Variants in DDB1 observed in about 807,000 individuals in gnomAD.
DDB1 encodes DNA damage-binding protein 1.
In DDB1, 18 loss-of-function variants were observed where a neutral mutation model predicts 133.1. That is an observed-to-expected ratio of 0.14 (90% CI 0.09 to 0.20). DDB1 has a LOEUF of 0.20. Ranked by LOEUF, DDB1 falls within the 10% of genes least tolerant of loss-of-function variation. The pLI, the probability that DDB1 is intolerant of heterozygous loss-of-function variation, is 1.00. For missense variants in DDB1, 828 were observed against 1,459.2 expected (o/e 0.57, Z 7.05); for synonymous variants, 580 against 550.5 (o/e 1.05, Z -0.75).
Position 61,316,946 on chromosome 11 carries a change from GATATATATATATAT to G in DDB1, c.1226-393_1226-380del, listed in dbSNP as rs58564398. On this transcript the variant is annotated intron_variant, in intron 10 of 26. Transcript: ENST00000301764. ...AAAAAAAAAAAAAAAAAAAAGGATAGATATATATATATATATATATATATATATATATATATATA... is the reference window on the plus strand; with the variant it reads ...AAAAAAAAAAAAAAAAAAAAGGATAGATATATATATATATATATATATATA... 6.7e-3 allele frequency among the ~76,000 whole-genome samples: 196 copies of G among 29,056 alleles called. 4 individuals are homozygous for G. Among genetic ancestry groups the G allele is most frequent in the East Asian group, 0.034 (14 of 410 alleles). The allele number at this position is 29,056 out of a possible 152,430, so 19.1% of individuals were successfully genotyped here. A position where few individuals can be genotyped will look rare whatever the true frequency, so the allele number is the denominator to read the frequency against.
At chr11:61,323,328 T>G (rs1856215859) in intron 7 of DDB1, 3 of 535,570 alleles carry the variant, frequency 5.6e-6, no homozygotes, top group South Asian at 4.7e-5. Context: ...GTCTTGCATA[T>G]TCCTGCTCCA....
Position 61,329,369 on chromosome 11 carries a change from G to C in DDB1, c.543C>G (p.Val181=). ...YGCQAPTICF[V]YQDPQGRHVK... is the part of the protein sequence containing the mutation. ...TCTCTTCCTGATCCAGTACCTGGTA[G>C]ACAAAGCAAATAGTAGGTGCTTGGC... Residue 181 remains valine, a synonymous_variant, in exon 4 of 27, where the codon GTC becomes GTG. Transcript: ENST00000301764. The C allele has an allele frequency of 6.2e-7, 1 of 1,614,128 alleles. No individual in the cohort carries two copies.
intron 25 of DDB1, 98 bp from the exon 26 acceptor site, chr11:61,301,030 A>G (rs1406374965): frequency 2.7e-5 from 41 of 1,520,302 alleles, no homozygotes; most frequent in Non-Finnish European, 3.6e-5. Context: ...AATCATCAGG[A>G]TTAGAAAGGA....
chr11:61,302,168 A>G, intron 25 of DDB1, 89 bp downstream of exon 25: 1 of 1,137,322 alleles, frequency 8.8e-7, no homozygotes, highest in Non-Finnish European at 1.3e-6. Flanking sequence ...CCTAATCAAG[A>G]CATGTAGTAG....
Position 61,331,600 on chromosome 11 carries a change from G to A in DDB1, c.153C>T (p.Pro51=), listed in dbSNP as rs2230356. ...TCCCATACATGCCCACCTCTTTGAC[G>A]GGCCGAAGCCCCTCGGCGGTGACCA... ...IYVVTAEGLR[P]VKEVGMYGKI... The change falls in exon 2 of 27, where the codon CCC becomes CCT. Residue 51 remains proline (P), a synonymous_variant. Transcript: ENST00000301764. The A allele has an allele frequency of 0.093, 149,956 of 1,613,960 alleles. 7,851 individuals carry two copies. Among genetic ancestry groups the A allele is most frequent in the Non-Finnish European group, 0.11 (128,649 of 1,179,974 alleles).
At chr11:61,329,327 C>T (rs759570700) in intron 4 of DDB1, 36 bp downstream of exon 4, 1 of 1,601,082 alleles carries the variant, frequency 6.2e-7, no homozygotes, top group Admixed American at 1.7e-5. Context: ...TCACATCAAC[C>T]TCACAGTTTC....
rs760125089 is a variant in DDB1 at position 61,311,862 on chromosome 11, G to A, written c.2199C>T (p.Phe733=). 1.6e-5 allele frequency: 26 copies of A among 1,613,980 alleles called. No homozygotes were observed. Among genetic ancestry groups the A allele is most frequent in the Admixed American group, 3.3e-5 (2 of 59,986 alleles). Residue 733 remains phenylalanine, a synonymous_variant, in exon 18 of 27, where the codon TTC becomes TTT. Coordinates refer to ENST00000301764, the MANE Select transcript of DDB1 (RefSeq NM_001923.5). ...KICYQEVSQC[F]GVLSSRIEVQ... ...CTTCAATGCGGCTGGAGAGGACCCC[G>A]AAACACTGGGACACTTCCTGGTAGC... is the stretch of plus-strand genomic sequence containing the variant.
chr11:61,320,880 G>C (rs543848672), intron 10 of DDB1, among the ~76,000 whole-genome samples: 34 of 151,226 alleles, frequency 2.2e-4, no homozygotes, highest in Admixed American at 1.4e-3. Flanking sequence ...TCACTGTGTA[G>C]CCTCTCTTTT....
intron 9 of DDB1, 43 bp from the exon 10 acceptor site, chr11:61,321,740 C>G: frequency 6.4e-7 from 1 of 1,552,752 alleles, no homozygotes; most frequent in Non-Finnish European, 8.9e-7. Context: ...CCTCAAGATA[C>G]TGGGCCAGTC....
At chr11:61,301,392 G>A (rs1033879993) in intron 25 of DDB1, 1 of 153,112 alleles carries the variant, frequency 6.5e-6, no homozygotes, top group African/African-American at 2.4e-5. Context: ...ATGAACTCCT[G>A]TCTCTACAAA....
rs56269746 is a variant in DDB1 at position 61,332,864 on chromosome 11, C to A, written c.61+44G>T. The stretch of plus-strand genomic sequence containing the variant: ...GGGCCTCCCTAGGCCGCGGCTCCCC[C>A]CAACTCCCTCACTCGCCGGGGTCTC... On this transcript the variant is annotated intron_variant, in intron 1 of 26. Transcript: ENST00000301764. 21 of 1,438,054 alleles carry A rather than the reference C, an allele frequency of 1.5e-5. No homozygotes were observed. In the Admixed American group the frequency reaches 4.3e-4, roughly 30 times the overall value. 89.1% of individuals were successfully genotyped at this position (1,438,054 alleles called of 1,614,324 possible).
At chr11:61,323,859 AAC>A (rs1308972319) in intron 7 of DDB1, 118 bp downstream of exon 7, 1 of 1,123,634 alleles carries the variant, frequency 8.9e-7, no homozygotes, top group Non-Finnish European at 1.3e-6. Context: ...CAGCAGGAAC[AAC>A]AGTTTGTTGT....
chr11:61,328,471 T>C (rs1856306268), intron 4 of DDB1, among the ~76,000 whole-genome samples: 1 of 152,144 alleles, frequency 6.6e-6, no homozygotes, highest in Non-Finnish European at 1.5e-5. Context: ...TACTGGCATG[T>C]TAGTCTGGTG....
At chr11:61,317,692 G>A (rs768603555) in intron 10 of DDB1, among the ~76,000 whole-genome samples, 42 of 151,784 alleles carry the variant, frequency 2.8e-4, no homozygotes, top group Non-Finnish European at 4.9e-4. Context: ...ATTTTTAGTA[G>A]AGACAGGATT....
At chr11:61,327,362 G>A (rs181823723) in intron 4 of DDB1, 224 of 159,030 alleles carry the variant, frequency 1.4e-3, no homozygotes, top group Admixed American at 2.6e-3. Flanking sequence ...CCAGCTACTC[G>A]GGAGGCTGAG....
intron 18 of DDB1, 134 bp downstream of exon 18, chr11:61,311,650 G>T: frequency 2.8e-6 from 2 of 722,156 alleles, no homozygotes; most frequent in Non-Finnish European, 2.2e-6. Flanking sequence ...TTCAGGCTAC[G>T]ATGGCAAAGT....
At chr11:61,300,269 C>T (rs746558462) in intron 26 of DDB1, 50 bp from the exon 27 acceptor site, 4 of 1,573,984 alleles carry the variant, frequency 2.5e-6, no homozygotes, top group East Asian at 4.5e-5. Flanking sequence ...GGTGCTCTCC[C>T]ACAGGTGGGG....
intron 10 of DDB1, among the ~76,000 whole-genome samples, chr11:61,316,982 T>C (rs866377512): frequency 0.012 from 886 of 72,464 alleles, 114 homozygotes; most frequent in Middle Eastern, 0.033. Context: ...TATATATATA[T>C]ATATATATAT....
intron 23 of DDB1, 108 bp from the exon 24 acceptor site, chr11:61,302,859 C>T (rs1239086273): frequency 1.4e-6 from 2 of 1,436,562 alleles, no homozygotes; most frequent in Non-Finnish European, 1.9e-6. Context: ...GGGGAGCTGA[C>T]ATACTCCACA....
Sources: gnomAD v4.1 joint callset for allele counts (sites outside exome capture counted in the v4.1 genomes callset) on GRCh38, gnomAD v4.1.1 for gene constraint, MANE v1.5 for transcripts, NCBI Gene and HGNC (gene_info 2026-07-23, HGNC 2026-07-21) for gene names.